The following NCKAP5 variants were observed in gnomAD, a reference collection of about 807,000 sequenced individuals.
NCKAP5 encodes NCK associated protein 5, also known as nck-associated protein 5.
NCKAP5 carries 92 observed loss-of-function variants against 167.0 expected under a neutral mutation model. The observed-to-expected ratio is 0.55, with a 90% CI of 0.47 to 0.66. NCKAP5 has a LOEUF of 0.66. NCKAP5 is among the 30% of genes least tolerant of loss of function. The pLI is 0.00. For missense variants in NCKAP5, 2,378 were observed against 2,315.0 expected (o/e 1.03, Z -0.56); for synonymous variants, 891 against 877.4 (o/e 1.02, Z -0.27).
chr2:133,066,758 G>C (rs2080210073), intron 6 of NCKAP5, among the ~76,000 whole-genome samples: 1 of 152,204 alleles, frequency 6.6e-6, no homozygotes, highest in African/African-American at 2.4e-5. Context: ...GGTTATGTGG[G>C]AAAAGTCAGT....
chr2:133,555,654 C>T (rs1687691598), intron 2 of NCKAP5, among the ~76,000 whole-genome samples: 1 of 152,208 alleles, frequency 6.6e-6, no homozygotes, highest in Admixed American at 6.5e-5. Context: ...TAAAATACCA[C>T]ACTTCCTTTC....
chr2:133,656,487 G>A, the NCKAP5 span, among the ~76,000 whole-genome samples: 1 of 152,126 alleles, frequency 6.6e-6, no homozygotes, highest in African/African-American at 2.4e-5. Flanking sequence ...TAGTTCATGG[G>A]GGCTGGAGAG....
intron 8 of NCKAP5, among the ~76,000 whole-genome samples, chr2:132,914,640 C>G (rs929279077): frequency 6.6e-6 from 1 of 152,016 alleles, no homozygotes; most frequent in Non-Finnish European, 1.5e-5. Flanking sequence ...TGAATGGGAT[C>G]TTGTACCCCA....
chr2:132,763,162 C>A (rs1022853701), intron 16 of NCKAP5, among the ~76,000 whole-genome samples: 1 of 152,116 alleles, frequency 6.6e-6, no homozygotes, highest in African/African-American at 2.4e-5. Context: ...TCATAGTGAT[C>A]AAAAGTGACG....
chr2:133,668,492 C>A, the NCKAP5 span, among the ~76,000 whole-genome samples: 1 of 151,978 alleles, frequency 6.6e-6, no homozygotes, highest in African/African-American at 2.4e-5. Context: ...TTAGCGGGTG[C>A]AAAGTGGTAT....
At chr2:133,046,716 T>C (rs931798875) in intron 6 of NCKAP5, among the ~76,000 whole-genome samples, 2 of 152,256 alleles carry the variant, frequency 1.3e-5, no homozygotes, top group East Asian at 1.9e-4. Flanking sequence ...AGAAACTACC[T>C]AGCTTCTAAG....
At chr2:133,398,972 A>C (rs1352762780) in intron 3 of NCKAP5, among the ~76,000 whole-genome samples, 1 of 152,212 alleles carries the variant, frequency 6.6e-6, no homozygotes. Context: ...GGCATCACAG[A>C]TAATGGTGGA....
At chr2:132,977,615 A>C (rs1233042800) in intron 7 of NCKAP5, among the ~76,000 whole-genome samples, 1 of 152,202 alleles carries the variant, frequency 6.6e-6, no homozygotes, top group Non-Finnish European at 1.5e-5. Flanking sequence ...AGCTCGAATA[A>C]GATGCATTAA....
At chr2:133,500,280 G>A (rs1682386002) in intron 3 of NCKAP5, among the ~76,000 whole-genome samples, 1 of 152,190 alleles carries the variant, frequency 6.6e-6, no homozygotes, top group Admixed American at 6.5e-5. Flanking sequence ...CAGTCAGAAA[G>A]TCTACCTCAA....
chr2:133,540,839 G>C (rs1315877186), intron 2 of NCKAP5, among the ~76,000 whole-genome samples: 2 of 151,160 alleles, frequency 1.3e-5, no homozygotes, highest in Non-Finnish European at 1.5e-5. Context: ...GGGAGGCTGA[G>C]GCATGAAAAT....
chr2:132,956,285 G>A (rs757712668), intron 8 of NCKAP5, among the ~76,000 whole-genome samples: 10 of 152,190 alleles, frequency 6.6e-5, no homozygotes, highest in Non-Finnish European at 1.2e-4. Flanking sequence ...CTGGACCTAA[G>A]TTGTTTTGAT....
At chr2:133,174,209 G>C (rs1265003753) in intron 5 of NCKAP5, among the ~76,000 whole-genome samples, 1 of 151,800 alleles carries the variant, frequency 6.6e-6, no homozygotes, top group Non-Finnish European at 1.5e-5. Context: ...CTCCAGTTTG[G>C]GTTTTTCTGA....
chr2:133,556,263 A>G (rs1351631070), intron 2 of NCKAP5, among the ~76,000 whole-genome samples: 1 of 152,234 alleles, frequency 6.6e-6, no homozygotes, highest in East Asian at 1.9e-4. Context: ...TTATACTTCA[A>G]TAAAAAAGGT....
At chr2:132,876,387 T>C (rs1236602019) in intron 9 of NCKAP5, among the ~76,000 whole-genome samples, 2 of 152,182 alleles carry the variant, frequency 1.3e-5, no homozygotes, top group African/African-American at 2.4e-5. Flanking sequence ...TATAAGCCAC[T>C]GTGCCTGTCT....
chr2:132,721,428 T>C (rs1689918463), intron 19 of NCKAP5, among the ~76,000 whole-genome samples: 1 of 152,142 alleles, frequency 6.6e-6, no homozygotes, highest in South Asian at 2.1e-4. Flanking sequence ...GTGAATTCCA[T>C]CCTGCAGGTT....
rs368736527 is a variant in NCKAP5, at chr2:132,728,890, C to T, written c.5506G>A (p.Gly1836Arg). The T allele has an allele frequency of 5.8e-5, 93 of 1,613,928 alleles. 1 individual carries two copies. In the South Asian group the frequency reaches 8.1e-4, roughly 14 times the overall value. ...EPRPQTCSSFGYAEDPMASQP... is the reference protein window; with the variant it reads ...EPRPQTCSSFRYAEDPMASQP... ...CTTGCCATTGGGTCTTCAGCATATC[C>T]GAATGATGAGCATGTCTGAGGCCTT... is the stretch of plus-strand genomic sequence containing the variant. Residue 1836 changes from glycine to arginine, a missense_variant, in exon 18 of 20, where the codon GGA (glycine) becomes AGA (arginine). Around this residue, in one of 3 missense-constraint regions of NCKAP5, gnomAD observed 1,325 missense variants for 1,274.5 expected, o/e 1.04. Transcript: ENST00000409261.
intron 5 of NCKAP5, among the ~76,000 whole-genome samples, chr2:133,202,257 A>G (rs1308375223): frequency 6.6e-6 from 1 of 152,184 alleles, no homozygotes. Context: ...CTGATCTTTG[A>G]CAAACCTGAC....
At chr2:133,132,274 G>A (rs1376542020) in intron 5 of NCKAP5, among the ~76,000 whole-genome samples, 1 of 142,576 alleles carries the variant, frequency 7.0e-6, no homozygotes, top group Non-Finnish European at 1.5e-5. Flanking sequence ...GTGACAGAGC[G>A]AGACTCCATC....
intron 8 of NCKAP5, among the ~76,000 whole-genome samples, chr2:132,902,521 G>A (rs1048821112): frequency 9.2e-5 from 14 of 152,264 alleles, no homozygotes; most frequent in African/African-American, 1.7e-4. Context: ...ACAGATACTC[G>A]TTTGTCACAT....
Sources: allele counts gnomAD v4.1 joint callset (sites outside exome capture counted in the v4.1 genomes callset), GRCh38; gene constraint gnomAD v4.1.1; regional missense constraint gnomAD v4.1.1; transcripts MANE v1.5; gene names NCBI Gene and HGNC (gene_info 2026-07-23, HGNC 2026-07-21).